MBNL2: variants seen among roughly 807,000 people sequenced by gnomAD.
MBNL2 encodes muscleblind like splicing regulator 2.
Under a neutral mutation model 41.9 loss-of-function variants are expected in MBNL2, and 17 were observed. The observed-to-expected ratio is 0.41, with a 90% CI of 0.28 to 0.61. MBNL2 has a LOEUF of 0.61. Ranked by LOEUF, MBNL2 falls within the 20% of genes least tolerant of loss-of-function variation. The probability of loss-of-function intolerance (pLI) is 0.35; values close to 1 mark genes in which losing one functional copy is unlikely to be tolerated. For synonymous variants in MBNL2, 195 were observed against 182.9 expected (o/e 1.07, Z -0.53); for missense variants, 336 against 505.6 (o/e 0.66, Z 3.22).
chr13:97,335,512 C>T (rs1566424540), intron 3 of MBNL2, among the ~76,000 whole-genome samples: 1 of 152,050 alleles, frequency 6.6e-6, no homozygotes. Flanking sequence ...TAGAGAATTC[C>T]GGCAGGTTGT....
chr13:97,279,612 G>C (rs1373071379), intron 2 of MBNL2, among the ~76,000 whole-genome samples: 1 of 152,126 alleles, frequency 6.6e-6, no homozygotes, highest in Non-Finnish European at 1.5e-5. Flanking sequence ...AAAAGATTTG[G>C]GGGACACAAT....
intron 2 of MBNL2, among the ~76,000 whole-genome samples, chr13:97,315,129 T>G (rs1157891946): frequency 6.6e-6 from 1 of 152,226 alleles, no homozygotes; most frequent in East Asian, 1.9e-4. Flanking sequence ...TTTAAAATAG[T>G]ATTTTTTGTC....
the MBNL2 span, among the ~76,000 whole-genome samples, chr13:97,143,415 C>T: frequency 6.6e-6 from 1 of 152,160 alleles, no homozygotes; most frequent in Non-Finnish European, 1.5e-5. Flanking sequence ...TTCCCCAAAC[C>T]CCTGTGCCGT....
At chr13:97,323,327 T>C (rs1181947725) in intron 2 of MBNL2, among the ~76,000 whole-genome samples, 1 of 152,180 alleles carries the variant, frequency 6.6e-6, no homozygotes, top group Non-Finnish European at 1.5e-5. Context: ...CTGATGATAA[T>C]AAAAATAGAA....
chr13:97,230,634 C>A (rs1325853656), intron 1 of MBNL2, among the ~76,000 whole-genome samples: 1 of 152,144 alleles, frequency 6.6e-6, no homozygotes. Flanking sequence ...TAAGAGCTAG[C>A]AAAGAATCAG....
At chr13:97,325,468 C>T (rs190825738) in intron 2 of MBNL2, among the ~76,000 whole-genome samples, 248 of 152,288 alleles carry the variant, frequency 1.6e-3, no homozygotes, top group Non-Finnish European at 2.8e-3. Context: ...CAGTGGCTCA[C>T]GCCTGTAATC....
chr13:97,176,584 C>G, the MBNL2 span, among the ~76,000 whole-genome samples: 1 of 152,070 alleles, frequency 6.6e-6, no homozygotes, highest in Non-Finnish European at 1.5e-5. Flanking sequence ...TGGACTTCCA[C>G]GAATGTATTG....
intron 5 of MBNL2, among the ~76,000 whole-genome samples, chr13:97,351,150 G>A (rs2062411007): frequency 6.6e-6 from 1 of 152,184 alleles, no homozygotes; most frequent in Non-Finnish European, 1.5e-5. Flanking sequence ...GGGTGATCAG[G>A]TGCATTGTCA....
intron 8 of MBNL2, among the ~76,000 whole-genome samples, chr13:97,384,769 T>C (rs1395651087): frequency 6.6e-6 from 1 of 152,216 alleles, no homozygotes; most frequent in Admixed American, 6.5e-5. Context: ...ATATTATTAA[T>C]ATCTTTAACT....
At chr13:97,365,286 A>G (rs1205481284) in intron 8 of MBNL2, 115 bp downstream of exon 8, 1 of 789,288 alleles carries the variant, frequency 1.3e-6, no homozygotes, top group Non-Finnish European at 2.3e-6. Flanking sequence ...TTGAAGGCTT[A>G]TTTGGCTTTA....
At chr13:97,372,184 G>C (rs1030337016) in intron 8 of MBNL2, among the ~76,000 whole-genome samples, 1 of 152,058 alleles carries the variant, frequency 6.6e-6, no homozygotes, top group Non-Finnish European at 1.5e-5. Context: ...ATCTTTTTAC[G>C]GAGCATCACA....
intron 8 of MBNL2, among the ~76,000 whole-genome samples, chr13:97,385,588 A>G (rs574959163): frequency 2.2e-4 from 34 of 152,220 alleles, no homozygotes; most frequent in Non-Finnish European, 4.6e-4. Flanking sequence ...ATATTGAGCT[A>G]TCATTTTAAA....
At position 97,391,551 on chromosome 13, in the gene MBNL2, A is replaced by G; in HGVS notation, c.*102A>G. The G allele has an allele frequency of 1.4e-6, 1 of 697,964 alleles. No individual in the cohort carries two copies. The allele number at this position is 697,964 out of a possible 1,614,324, so 43.2% of individuals were successfully genotyped here. A position where few individuals can be genotyped will look rare whatever the true frequency, so the allele number is the denominator to read the frequency against. On this transcript the variant is annotated 3_prime_UTR_variant, in exon 9 of 9. Transcript: ENST00000679496. ...TGGTATGCTTAGTATATTCCAACCT[A>G]AGATAGTTAACTACCTGAGACCAGC...
chr13:97,202,408 G>A, the MBNL2 span, among the ~76,000 whole-genome samples: 6 of 152,140 alleles, frequency 3.9e-5, no homozygotes, highest in Middle Eastern at 6.3e-3. Flanking sequence ...GCCAATTACC[G>A]GTACTCCATC....
At chr13:97,262,532 C>T (rs2048841626) in intron 1 of MBNL2, among the ~76,000 whole-genome samples, 1 of 152,174 alleles carries the variant, frequency 6.6e-6, no homozygotes, top group African/African-American at 2.4e-5. Context: ...TTGATCCAGT[C>T]CAAGCCTTCC....
chr13:97,210,422 T>A, the MBNL2 span, among the ~76,000 whole-genome samples: 1 of 152,170 alleles, frequency 6.6e-6, no homozygotes, highest in East Asian at 1.9e-4. Flanking sequence ...GCATAGCTTG[T>A]GGTTTTGAAA....
chr13:97,217,513 G>A (rs996490629), upstream of MBNL2, among the ~76,000 whole-genome samples: 2 of 152,204 alleles, frequency 1.3e-5, no homozygotes, highest in African/African-American at 4.8e-5. Context: ...TACATTGGGT[G>A]TTGCTGGATA....
chr13:97,390,156 C>A (rs931427886), intron 8 of MBNL2, among the ~76,000 whole-genome samples: 4 of 151,922 alleles, frequency 2.6e-5, no homozygotes, highest in African/African-American at 9.7e-5. Context: ...TAAATTAGTT[C>A]TTTCTCTATT....
At chr13:97,172,061 T>G in the MBNL2 span, among the ~76,000 whole-genome samples, 1 of 152,234 alleles carries the variant, frequency 6.6e-6, no homozygotes, top group East Asian at 1.9e-4. Context: ...ATCAGCAGAG[T>G]GAAAACGGAC....
Sources: allele counts gnomAD v4.1 joint callset (sites outside exome capture counted in the v4.1 genomes callset), GRCh38; gene constraint gnomAD v4.1.1; transcripts MANE v1.5; gene names NCBI Gene and HGNC (gene_info 2026-07-23, HGNC 2026-07-21).